The following ATF7 variants were observed in gnomAD, a reference collection of about 807,000 sequenced individuals.
The protein encoded by ATF7 is activating transcription factor 7.
A neutral mutation model predicts 50.4 loss-of-function variants in ATF7; 10 were observed. The ratio of observed to expected loss-of-function variants is 0.20; its 90% CI spans 0.12 to 0.34. ATF7 has a LOEUF of 0.34. Among genes scored for constraint, ATF7 ranks in the 10% least tolerant of loss-of-function variants. ATF7 has a pLI of 1.00. For synonymous variants in ATF7, 201 were observed against 226.4 expected, an observed-to-expected ratio of 0.89 and a Z score of 1.01; for missense variants, 465 against 613.9, an observed-to-expected ratio of 0.76 and a Z score of 2.56.
At chr12:53,620,226 G>C (rs1417030646) in intron 1 of ATF7, among the ~76,000 whole-genome samples, 1 of 151,658 alleles carries the variant, frequency 6.6e-6, no homozygotes, top group East Asian at 1.9e-4. Context: ...ATCACTTGAG[G>C]TCAGGAGTTC....
chr12:53,617,889 C>CAAA (rs71444812), intron 1 of ATF7, among the ~76,000 whole-genome samples: 1 of 120,056 alleles, frequency 8.3e-6, no homozygotes. Context: ...TACAGAAGAC[C>CAAA]AAAAAAAAAA....
intron 2 of ATF7, among the ~76,000 whole-genome samples, chr12:53,554,177 C>T (rs1000258184): frequency 6.6e-6 from 1 of 152,172 alleles, no homozygotes; most frequent in Non-Finnish European, 1.5e-5. Flanking sequence ...GTCGCCCAGG[C>T]TGGAGTGCAG....
chr12:53,573,277 T>C (rs1384680785), intron 2 of ATF7, among the ~76,000 whole-genome samples: 1 of 152,118 alleles, frequency 6.6e-6, no homozygotes, highest in South Asian at 2.1e-4. Flanking sequence ...AGTATGGTCA[T>C]CCCTCCATAT....
chr12:53,589,959 G>C (rs1358946949), intron 2 of ATF7, among the ~76,000 whole-genome samples: 1 of 151,920 alleles, frequency 6.6e-6, no homozygotes, highest in Non-Finnish European at 1.5e-5. Flanking sequence ...GGTAGAGTCA[G>C]GGTCTCGCTT....
intron 3 of ATF7, among the ~76,000 whole-genome samples, chr12:53,544,405 A>G (rs1363943563): frequency 1.3e-5 from 2 of 152,210 alleles, no homozygotes; most frequent in Admixed American, 1.3e-4. Flanking sequence ...ACAGAAATAC[A>G]GAACAATGTT....
At chr12:53,579,823 T>A (rs183814815) in intron 2 of ATF7, among the ~76,000 whole-genome samples, 1 of 151,916 alleles carries the variant, frequency 6.6e-6, no homozygotes, top group Non-Finnish European at 1.5e-5. Flanking sequence ...GAGATGCACA[T>A]GACAAATTGT....
intron 6 of ATF7, among the ~76,000 whole-genome samples, chr12:53,534,092 A>G (rs1026943689): frequency 6.6e-6 from 1 of 152,210 alleles, no homozygotes; most frequent in Non-Finnish European, 1.5e-5. Flanking sequence ...CCTGGCTAAC[A>G]CGGTGAAACC....
chr12:53,601,199 T>C (rs955581475), intron 1 of ATF7, among the ~76,000 whole-genome samples, 178 bp from the exon 2 acceptor site: 15 of 152,240 alleles, frequency 9.9e-5, no homozygotes, highest in Non-Finnish European at 1.9e-4. Flanking sequence ...TGATCTACTG[T>C]GTCTCAACTG....
intron 1 of ATF7, among the ~76,000 whole-genome samples, chr12:53,609,172 G>C (rs888698503): frequency 9.5e-6 from 1 of 105,548 alleles, no homozygotes; most frequent in Non-Finnish European, 1.9e-5. Flanking sequence ...TTTTTTTTTT[G>C]AGACAGGGTT....
At chr12:53,623,879 A>T (rs181683038) in intron 1 of ATF7, among the ~76,000 whole-genome samples, 295 of 152,354 alleles carry the variant, frequency 1.9e-3, no homozygotes, top group Non-Finnish European at 3.4e-3. Flanking sequence ...GAAAGAGAAC[A>T]AGATACAGTA....
downstream of ATF7, among the ~76,000 whole-genome samples, chr12:53,511,091 C>T (rs895484723): frequency 7.9e-5 from 12 of 152,192 alleles, no homozygotes; most frequent in African/African-American, 2.9e-4. Flanking sequence ...CCAGAGACAC[C>T]TGCTATCTCT....
intron 2 of ATF7, among the ~76,000 whole-genome samples, chr12:53,587,821 A>ATATATATATATATATATATG (rs1942764384): frequency 7.3e-5 from 3 of 41,084 alleles, no homozygotes; most frequent in African/African-American, 1.6e-4. Context: ...ATACTTCTAC[A>ATATATATATATATATATATG]TATATATATA....
chr12:53,564,681 C>T (rs1249490767), intron 2 of ATF7, among the ~76,000 whole-genome samples: 1 of 152,110 alleles, frequency 6.6e-6, no homozygotes, highest in Non-Finnish European at 1.5e-5. Flanking sequence ...TAGAGGGGAA[C>T]AGAAAAAGAA....
At chr12:53,566,695 A>C (rs1228719788) in intron 2 of ATF7, among the ~76,000 whole-genome samples, 1 of 152,228 alleles carries the variant, frequency 6.6e-6, no homozygotes, top group African/African-American at 2.4e-5. Flanking sequence ...TTAGCTGCTG[A>C]AACAGTCCTA....
chr12:53,545,555 C>T (rs548804173), intron 3 of ATF7, among the ~76,000 whole-genome samples: 28 of 151,960 alleles, frequency 1.8e-4, no homozygotes, highest in Non-Finnish European at 3.2e-4. Context: ...AGGCTGGTCT[C>T]GAACTCCCAA....
chr12:53,542,820 C>A, intron 4 of ATF7: 1 of 629,266 alleles, frequency 1.6e-6, no homozygotes, highest in South Asian at 7.1e-5. Context: ...CCTTCTTTAT[C>A]TTTAATGCTT....
At chr12:53,547,252 G>A (rs1939993785) in intron 3 of ATF7, among the ~76,000 whole-genome samples, 1 of 149,180 alleles carries the variant, frequency 6.7e-6, no homozygotes, top group Non-Finnish European at 1.5e-5. Flanking sequence ...CCAAAGTGCT[G>A]GGATTACAGG....
At chr12:53,610,422 G>A (rs993357752) in intron 1 of ATF7, among the ~76,000 whole-genome samples, 8 of 151,972 alleles carry the variant, frequency 5.3e-5, no homozygotes, top group African/African-American at 1.7e-4. Context: ...AAAATTAGCC[G>A]GGTGTCATGG....
chr12:53,594,602 C>A (rs1199977323), intron 2 of ATF7, among the ~76,000 whole-genome samples: 2 of 152,112 alleles, frequency 1.3e-5, no homozygotes, highest in East Asian at 1.9e-4. Context: ...AAATTCCAGT[C>A]CCAGGCCAAG....
Sources: gnomAD v4.1 joint callset for allele counts (sites outside exome capture counted in the v4.1 genomes callset) on GRCh38, gnomAD v4.1.1 for gene constraint, MANE v1.5 for transcripts, NCBI Gene and HGNC (gene_info 2026-07-23, HGNC 2026-07-21) for gene names.